TP53BP1: variants seen among roughly 807,000 people sequenced by gnomAD.
TP53BP1 encodes the protein tumor protein p53 binding protein 1.
A neutral mutation model predicts 200.8 loss-of-function variants in TP53BP1; 61 were observed. The observed-to-expected ratio is 0.30, with a 90% CI of 0.25 to 0.38. TP53BP1 has a LOEUF of 0.38. TP53BP1 is among the 10% of genes least tolerant of loss of function. TP53BP1 has a pLI of 1.00. For synonymous variants in TP53BP1, 822 were observed against 844.3 expected (o/e 0.97, Z 0.46); for missense variants, 2,144 against 2,371.9 (o/e 0.90, Z 2.00).
rs562060830 is a variant in TP53BP1 at position 43,404,041 on chromosome 15, T to A, written c.*3342A>T. The A allele has an allele frequency of 1.8e-6, 1 of 547,818 alleles. No homozygotes were observed. The highest frequency in any genetic ancestry group is 1.9e-5 in the African/African-American group (1 of 53,074). 33.9% of individuals were successfully genotyped at this position (547,818 alleles called of 1,614,324 possible). ...GTTTATTCAGCCCATCAAATAAGCATTGGGTTGTTCTAACTTCCTCACATC... is the reference window on the plus strand; with the variant it reads ...GTTTATTCAGCCCATCAAATAAGCAATGGGTTGTTCTAACTTCCTCACATC... On this transcript the variant is annotated 3_prime_UTR_variant, in exon 28 of 28. Transcript: ENST00000382044.
chr15:43,471,777 A>G (rs936737934), intron 10 of TP53BP1, among the ~76,000 whole-genome samples: 2 of 152,144 alleles, frequency 1.3e-5, no homozygotes, highest in Non-Finnish European at 2.9e-5. Flanking sequence ...CAATGTTCAC[A>G]CTACAGATAA....
At chr15:43,440,547 T>C (rs1340215007) in intron 15 of TP53BP1, among the ~76,000 whole-genome samples, 1 of 151,604 alleles carries the variant, frequency 6.6e-6, no homozygotes, top group Admixed American at 6.6e-5. Context: ...CACTCTGTCT[T>C]GTACCTAGCC....
Position 43,475,547 on chromosome 15 carries a change from T to G in TP53BP1, c.1085+18A>C. The G allele has an allele frequency of 6.2e-7, 1 of 1,613,746 alleles. No individual in the cohort carries two copies. ...AGGCACATACTGCCTTGGCATAAGC[T>G]ATTTTAGGCTTACTTACGTGGAAAG... On this transcript the variant is annotated intron_variant, in intron 9 of 27. Coordinates refer to ENST00000382044, the MANE Select transcript of TP53BP1 (RefSeq NM_001141980.3).
chr15:43,408,899 G>A lies in TP53BP1; in HGVS notation c.5598C>T (p.Asp1866=). ...GYSLEEQRIL[D]WQPRENPFQN... ...CTGGATGGGCTTCAAATACTTACCA[G>A]TCCAGAATTCTTTGCTCCTCAAGGC... Residue 1866 remains aspartate (D), a splice_region_variant and synonymous_variant, in exon 26 of 28, where the codon GAC becomes GAT. Transcript: ENST00000382044. 6.2e-7 allele frequency: 1 copy of A among 1,613,998 alleles called. No individual in the cohort carries two copies. Among genetic ancestry groups the A allele is most frequent in the East Asian group, 2.2e-5 (1 of 44,876 alleles).
chr15:43,428,422 C>A (rs933642703), intron 17 of TP53BP1, among the ~76,000 whole-genome samples: 1 of 152,162 alleles, frequency 6.6e-6, no homozygotes, highest in African/African-American at 2.4e-5. Flanking sequence ...ATCATTACAT[C>A]TAGTACTTGT....
chr15:43,505,906 C>T (rs988147777), intron 1 of TP53BP1, among the ~76,000 whole-genome samples: 19 of 152,324 alleles, frequency 1.2e-4, no homozygotes, highest in South Asian at 6.2e-4. Flanking sequence ...TAATCCAACA[C>T]GCCTCTCTCT....
chr15:43,505,990 T>G lies in TP53BP1; in HGVS notation c.-9+4380A>C, dbSNP rs539016171. ...GCTGTATGCAGCTCCCTTGGATATT[T>G]TGGTGGATAAAACCATGCAATCCAG... On this transcript the variant is annotated intron_variant, in intron 1 of 27. Transcript: ENST00000263801. 5.3e-5 allele frequency among the ~76,000 whole-genome samples: 8 copies of G among 152,300 alleles called. 1 individual carries two copies. The South Asian group carries it at 6.2e-4, about 12-fold the overall frequency.
In TP53BP1 at chr15:43,456,050, T is replaced by C; in HGVS notation, c.2558A>G (p.Gln853Arg). 6.2e-7 allele frequency: 1 copy of C among 1,614,214 alleles called. No individual in the cohort carries two copies. Among genetic ancestry groups the C allele is most frequent in the Non-Finnish European group, 8.5e-7 (1 of 1,180,040 alleles). ...CTGAGTTTGGGGCTGCTGCAACTCCTGGTCAAGTCTTAAAGGATCATCTGC... is the reference window on the plus strand; with the variant it reads ...CTGAGTTTGGGGCTGCTGCAACTCCCGGTCAAGTCTTAAAGGATCATCTGC... Reference protein sequence around the residue: ...VRADDPLRLDQELQQPQTQEK... With the variant: ...VRADDPLRLDRELQQPQTQEK... Residue 853 changes from glutamine to arginine, a missense_variant, in exon 12 of 28, where the codon CAG (glutamine) becomes CGG (arginine). Coordinates refer to ENST00000382044, the MANE Select transcript of TP53BP1 (RefSeq NM_001141980.3).
At chr15:43,414,829 C>T (rs917385723) in intron 23 of TP53BP1, among the ~76,000 whole-genome samples, 9 of 151,962 alleles carry the variant, frequency 5.9e-5, no homozygotes, top group African/African-American at 1.2e-4. Context: ...CCTCAGCCTC[C>T]GGAGAAGCTG....
Position 43,492,463 on chromosome 15 carries a change from G to C in TP53BP1, c.13C>G (p.Gln5Glu). 2 of 1,612,838 alleles carry C rather than the reference G, an allele frequency of 1.2e-6. No individual in the cohort carries two copies. Among genetic ancestry groups the C allele is most frequent in the South Asian group, 2.2e-5 (2 of 91,016 alleles). Residue 5 changes from glutamine (Q) to glutamate (E), a missense_variant, in exon 2 of 28, where the codon CAG becomes GAG. Physicochemically the swap from Gln to Glu is conservative, Grantham distance 29 (BLOSUM62 2). Transcript: ENST00000382044. Reference sequence around the variant, plus strand: ...AACTGACTTCCAGTAGGGTCCATCTGCTCCCCTGGAATGGAATAACAAAAG... The same window carrying C: ...AACTGACTTCCAGTAGGGTCCATCTCCTCCCCTGGAATGGAATAACAAAAG... The part of the protein sequence containing the change: MPGE[Q>E]MDPTGSQLDS...
At position 43,404,368 on chromosome 15, in the gene TP53BP1, T is replaced by G. The variant is rs1285974794; in HGVS notation, c.*3015A>C. The G allele has an allele frequency of 6.2e-7, 1 of 1,610,876 alleles. No homozygotes were observed. The highest frequency in any genetic ancestry group is 8.5e-7 in the Non-Finnish European group (1 of 1,178,082). ...CCGCCCCCATCCTCCATATGGAGAG[T>G]TGGTGAGCTGAAGTGGAATGACAGC... On this transcript the variant is annotated 3_prime_UTR_variant, in exon 28 of 28. Transcript: ENST00000382044.
At chr15:43,459,116 TC>T (rs2046369797) in intron 11 of TP53BP1, among the ~76,000 whole-genome samples, 1 of 152,084 alleles carries the variant, frequency 6.6e-6, no homozygotes, top group Non-Finnish European at 1.5e-5. Flanking sequence ...GACAGGCAGA[TC>T]TCTTGAGGCC....
At position 43,469,970 on chromosome 15, in the gene TP53BP1, G is replaced by T. The variant is rs745378899; in HGVS notation, c.1277C>A (p.Pro426His). Residue 426 changes from proline to histidine, a missense_variant, in exon 11 of 28, where the codon CCT becomes CAT. Coordinates refer to ENST00000382044, the MANE Select transcript of TP53BP1 (RefSeq NM_001141980.3). ...TGATACAGTGGACTCAGGCAGGAGA[G>T]GGGGGTTTTCTAACTCCACTGGTTC... ...SGEPVELENP[P>H]LLPESTVSPQ... 1.9e-5 allele frequency: 30 copies of T among 1,613,754 alleles called. No homozygotes were observed. The South Asian group carries it at 2.1e-4, about 11-fold the overall frequency.
At chr15:43,432,846 G>T (rs1355231726) in intron 16 of TP53BP1, among the ~76,000 whole-genome samples, 169 bp from the exon 17 acceptor site, 2 of 151,834 alleles carry the variant, frequency 1.3e-5, no homozygotes, top group East Asian at 3.9e-4. Flanking sequence ...TATCACCTTG[G>T]GAGGCCTCTC....
At chr15:43,457,653 C>T (rs1410924108) in intron 11 of TP53BP1, among the ~76,000 whole-genome samples, 2 of 106,824 alleles carry the variant, frequency 1.9e-5, no homozygotes, top group Admixed American at 3.0e-4. Context: ...GCCTGGGTGA[C>T]GGAGTGAGAC....
At chr15:43,457,264 T>C (rs768031188) in intron 11 of TP53BP1, 46 bp from the exon 12 acceptor site, 3 of 1,430,434 alleles carry the variant, frequency 2.1e-6, no homozygotes, top group Non-Finnish European at 1.9e-6. Context: ...TACATGATCA[T>C]ATATCTTTTA....
chr15:43,473,801 C>G (rs1479095097), intron 10 of TP53BP1, among the ~76,000 whole-genome samples: 1 of 152,258 alleles, frequency 6.6e-6, no homozygotes, highest in East Asian at 1.9e-4. Flanking sequence ...AGCAGCCCAG[C>G]TGGCTTCACC....
At chr15:43,430,504 C>G (rs570182333) in intron 17 of TP53BP1, among the ~76,000 whole-genome samples, 1 of 152,264 alleles carries the variant, frequency 6.6e-6, no homozygotes, top group Non-Finnish European at 1.5e-5. Flanking sequence ...TAAATAAGAA[C>G]TGTATTTTAT....
At chr15:43,441,015 T>TATTA (rs1171964561) in intron 15 of TP53BP1, among the ~76,000 whole-genome samples, 1 of 152,220 alleles carries the variant, frequency 6.6e-6, no homozygotes, top group Admixed American at 6.5e-5. Flanking sequence ...TGGCAAAGCT[T>TATTA]ACCAACCAAA....
Sources: gnomAD v4.1 joint callset for allele counts (sites outside exome capture counted in the v4.1 genomes callset) on GRCh38, gnomAD v4.1.1 for gene constraint, MANE v1.5 for transcripts, NCBI Gene and HGNC (gene_info 2026-07-23, HGNC 2026-07-21) for gene names.